GPN1: variants seen among roughly 807,000 people sequenced by gnomAD.
GPN1 encodes the protein GPN-loop GTPase 1, also known as ATP(GTP)-binding protein.
In GPN1, 44 loss-of-function variants were observed where a neutral mutation model predicts 55.9. That is an observed-to-expected ratio of 0.79 (90% confidence interval 0.62 to 1.01). GPN1 has a LOEUF of 1.01. Ranked by LOEUF, GPN1 falls within the 50% of genes least tolerant of loss-of-function variation. The pLI is 0.00. For missense variants in GPN1, 466 were observed against 462.8 expected, an observed-to-expected ratio of 1.01 and a Z score of -0.06; for synonymous variants, 179 against 162.5, an observed-to-expected ratio of 1.10 and a Z score of -0.77.
At chr2:27,629,243 G>C in intron 1 of GPN1, 74 bp downstream of exon 1, 2 of 1,500,220 alleles carry the variant, frequency 1.3e-6, no homozygotes, top group Non-Finnish European at 1.8e-6. Context: ...CAGGAAGAAA[G>C]GGAGGGAAGA....
chr2:27,648,115 T>C (rs1298685459), intron 13 of GPN1, among the ~76,000 whole-genome samples, 172 bp downstream of exon 13: 1 of 152,258 alleles, frequency 6.6e-6, no homozygotes, highest in Non-Finnish European at 1.5e-5. Flanking sequence ...GGATGGTTAA[T>C]ACTGAGCTGA....
intron 2 of GPN1, among the ~76,000 whole-genome samples, chr2:27,630,386 G>GTTTTTT (rs202052577): frequency 3.6e-5 from 3 of 82,504 alleles, no homozygotes; most frequent in Non-Finnish European, 4.5e-5. Flanking sequence ...AACAGCTTAG[G>GTTTTTT]TTTTTTTTTT....
intron 13 of GPN1, among the ~76,000 whole-genome samples, chr2:27,649,398 A>G (rs930677001): frequency 2.0e-5 from 3 of 152,188 alleles, no homozygotes; most frequent in African/African-American, 7.2e-5. Context: ...GTAGTTTACC[A>G]ACAGTGAAAC....
rs2148063621 is a variant in GPN1 at position 27,631,562 on chromosome 2, G to A, written c.246-272G>A. ...CAGGTGGCCTTAATGACCAATGCCA[G>A]TGGGCTGTCACTGCCTGATGCACCT... On this transcript the variant is annotated intron_variant, in intron 3 of 13. Coordinates refer to ENST00000610189, the MANE Select transcript of GPN1 (RefSeq NM_007266.4). 5 of 535,052 alleles carry A rather than the reference G, an allele frequency of 9.3e-6. No individual in the cohort carries two copies. The South Asian group carries it at 1.1e-4, about 12-fold the overall frequency. The allele number at this position is 535,052 out of a possible 1,614,324, so 33.1% of individuals were successfully genotyped here.
intron 12 of GPN1, 34 bp from the exon 13 acceptor site, chr2:27,647,802 G>C: frequency 8.2e-7 from 1 of 1,218,266 alleles, no homozygotes; most frequent in East Asian, 2.3e-5. Context: ...ACCTTTTTGA[G>C]GAGGCATATC....
intron 5 of GPN1, among the ~76,000 whole-genome samples, chr2:27,633,197 C>T (rs2148065381): frequency 6.6e-6 from 1 of 152,264 alleles, no homozygotes; most frequent in East Asian, 1.9e-4. Context: ...CACCCCGATT[C>T]CCACTAGAAG....
chr2:27,641,209 A>G (rs1324754591), intron 10 of GPN1, 31 bp from the exon 11 acceptor site: 3 of 1,538,750 alleles, frequency 1.9e-6, no homozygotes, highest in Non-Finnish European at 2.7e-6. Flanking sequence ...AGGATTAAGC[A>G]AAGGAATTTA....
At chr2:27,635,298 C>CTATTT in intron 7 of GPN1, 64 bp downstream of exon 7, 2 of 445,284 alleles carry the variant, frequency 4.5e-6, no homozygotes, top group Non-Finnish European at 3.6e-6. Flanking sequence ...CTTCTTCTTC[C>CTATTT]TCTTTTTTTT....
intron 3 of GPN1, chr2:27,631,284 GC>G: frequency 1.8e-6 from 1 of 569,962 alleles, no homozygotes; most frequent in Non-Finnish European, 3.1e-6. Context: ...TAATTAAAGA[GC>G]AGAGAGTATG....
chr2:27,651,508 AG>A lies in GPN1; in HGVS notation c.*1309del, dbSNP rs1228177756. On this transcript the variant is annotated 3_prime_UTR_variant, in exon 14 of 14. Coordinates refer to ENST00000610189, the MANE Select transcript of GPN1 (RefSeq NM_007266.4). Reference sequence around the variant, plus strand: ...CAGCAATAAAAGTGTTTTATTATAAAGTATTAATTTTAATGTTCTATACTTA... The same window carrying A: ...CAGCAATAAAAGTGTTTTATTATAAATATTAATTTTAATGTTCTATACTTA... 1.3e-5 allele frequency: 2 copies of A among 152,334 alleles called. No homozygotes were observed. The highest frequency in any genetic ancestry group is 2.9e-5 in the Non-Finnish European group (2 of 68,050). The allele number at this position is 152,334 out of a possible 1,614,324, so 9.4% of individuals were successfully genotyped here. A position where few individuals can be genotyped will look rare whatever the true frequency, so the allele number is the denominator to read the frequency against.
Position 27,638,272 on chromosome 2 carries a change from TG to T in GPN1, c.570+18del. 6.9e-7 allele frequency: 1 copy of T among 1,445,984 alleles called. No homozygotes were observed. Among genetic ancestry groups the T allele is most frequent in the Non-Finnish European group, 9.7e-7 (1 of 1,027,286 alleles). 89.6% of individuals were successfully genotyped at this position (1,445,984 alleles called of 1,614,324 possible). On this transcript the variant is annotated intron_variant, in intron 8 of 13. Coordinates refer to ENST00000610189, the MANE Select transcript of GPN1 (RefSeq NM_007266.4). ...ATGAATAAAGTAAGTGTATTCTTCC[TG>T]TTGTGATTCACCATTTTTCATCAGA...
intron 12 of GPN1, among the ~76,000 whole-genome samples, chr2:27,647,429 C>A (rs76083624): frequency 1.3e-5 from 2 of 152,298 alleles, no homozygotes; most frequent in South Asian, 2.1e-4. Context: ...TCTGAACTTA[C>A]ATTTCCACCA....
chr2:27,634,559 T>G lies in GPN1; in HGVS notation c.351-287T>G, dbSNP rs145106015. Among the ~76,000 whole-genome samples, 9 of 152,344 alleles carry G rather than the reference T, an allele frequency of 5.9e-5. No individual in the cohort carries two copies. In the East Asian group the frequency reaches 1.7e-3, roughly 29 times the overall value. On this transcript the variant is annotated intron_variant, in intron 5 of 13. Transcript: ENST00000610189. Reference sequence around the variant, plus strand: ...TTCCCAAGAGATTTACATTCTGGTTTTGTGTCTTTCATTTTAAATGCATTG... The same window carrying G: ...TTCCCAAGAGATTTACATTCTGGTTGTGTGTCTTTCATTTTAAATGCATTG...
At position 27,640,722 on chromosome 2, in the gene GPN1, G is replaced by A. The variant is rs557377121; in HGVS notation, c.801-518G>A. ...TCCTTAGGCCTGTGGCATGATAGCC[G>A]GCTTATTAGTGTCATGTGTCTTTGG... On this transcript the variant is annotated intron_variant, in intron 10 of 13. Coordinates refer to ENST00000610189, the MANE Select transcript of GPN1 (RefSeq NM_007266.4). Among the ~76,000 whole-genome samples the A allele has an allele frequency of 8.5e-5, 13 of 152,270 alleles. No homozygotes were observed. The East Asian group carries it at 1.7e-3, about 20-fold the overall frequency.
chr2:27,629,573 A>G, intron 1 of GPN1: 1 of 682,054 alleles, frequency 1.5e-6, no homozygotes, highest in Non-Finnish European at 2.6e-6. Flanking sequence ...GGTTGACAAG[A>G]TTCATTCGTG....
intron 13 of GPN1, among the ~76,000 whole-genome samples, chr2:27,649,003 G>C (rs1469471136): frequency 2.6e-5 from 4 of 151,562 alleles, no homozygotes; most frequent in African/African-American, 9.7e-5. Flanking sequence ...CCAGCACTTT[G>C]AGAGCCAAGG....
At chr2:27,649,266 AAC>A (rs1558494101) in intron 13 of GPN1, among the ~76,000 whole-genome samples, 8 of 151,442 alleles carry the variant, frequency 5.3e-5, no homozygotes, top group African/African-American at 1.7e-4. Flanking sequence ...CAAACAAACA[AAC>A]AAAAAAACAC....
At chr2:27,649,965 G>T (rs955111185) in intron 13 of GPN1, 150 bp from the exon 14 acceptor site, 8 of 535,830 alleles carry the variant, frequency 1.5e-5, no homozygotes, top group Middle Eastern at 2.8e-4. Context: ...GCATGATAGA[G>T]CATGCTTCTA....
intron 4 of GPN1, 102 bp downstream of exon 4, chr2:27,632,002 A>C (rs879104541): frequency 1.3e-6 from 1 of 760,664 alleles, no homozygotes; most frequent in African/African-American, 1.7e-5. Flanking sequence ...AAACCTGAGC[A>C]TAAATATAGA....
Sources: gnomAD v4.1 joint callset for allele counts (sites outside exome capture counted in the v4.1 genomes callset) on GRCh38, gnomAD v4.1.1 for gene constraint, MANE v1.5 for transcripts, NCBI Gene and HGNC (gene_info 2026-07-23, HGNC 2026-07-21) for gene names.